QPCT: variants seen among roughly 807,000 people sequenced by gnomAD.
QPCT encodes EC.
Under a neutral mutation model 43.4 loss-of-function variants are expected in QPCT, and 44 were observed. The observed-to-expected ratio is 1.01, with a 90% CI of 0.80 to 1.30. The LOEUF is 1.30. Among genes scored for constraint, QPCT ranks in the 50% most tolerant of loss-of-function variants. The pLI is 0.00. For synonymous variants in QPCT, 168 were observed against 168.4 expected, an observed-to-expected ratio of 1.00 and a Z score of 0.02; for missense variants, 526 against 436.5, an observed-to-expected ratio of 1.21 and a Z score of -1.83.
chr2:37,365,992 A>AG (rs1362085281), intron 3 of QPCT, among the ~76,000 whole-genome samples: 3 of 152,200 alleles, frequency 2.0e-5, no homozygotes, highest in African/African-American at 7.2e-5. Context: ...CAAAGTAGGT[A>AG]GAGTATGTTT....
intron 2 of QPCT, 84 bp downstream of exon 2, chr2:37,353,019 G>A (rs45582034): frequency 6.8e-7 from 1 of 1,463,924 alleles, no homozygotes; most frequent in South Asian, 1.4e-5. Context: ...AAGTTCTGAG[G>A]TGTCTAATAT....
intron 1 of QPCT, among the ~76,000 whole-genome samples, chr2:37,348,590 T>C: frequency 6.6e-6 from 1 of 152,214 alleles, no homozygotes; most frequent in East Asian, 1.9e-4. Context: ...ATTCAGTCTT[T>C]TGGAACCTCA....
At position 37,344,761 on chromosome 2, in the gene QPCT, G is replaced by C; in HGVS notation, c.30G>C (p.Val10=). ...CAGGCGGAAGACACCGGCGCGTCGT[G>C]GGCACCCTCCACCTGCTGCTGCTGG... MAGGRHRRV[V]GTLHLLLLVA... Residue 10 remains valine, a synonymous_variant, in exon 1 of 7, where the codon GTG becomes GTC. Transcript: ENST00000338415. 6.2e-7 allele frequency: 1 copy of C among 1,607,872 alleles called. No homozygotes were observed.
intron 1 of QPCT, among the ~76,000 whole-genome samples, chr2:37,347,231 C>T (rs981878257): frequency 1.8e-4 from 10 of 55,618 alleles, no homozygotes; most frequent in East Asian, 9.1e-4. Flanking sequence ...ATATATATAA[C>T]ATATATATAT....
intron 2 of QPCT, among the ~76,000 whole-genome samples, chr2:37,358,240 C>G (rs1297109525): frequency 6.6e-6 from 1 of 151,820 alleles, no homozygotes; most frequent in Non-Finnish European, 1.5e-5. Flanking sequence ...TGGCAAAACT[C>G]CATCTCTACA....
In QPCT at chr2:37,372,885, C is replaced by A; in HGVS notation, c.*58C>A. 1 of 1,440,612 alleles carries A rather than the reference C, an allele frequency of 6.9e-7. No homozygotes were observed. Among genetic ancestry groups the A allele is most frequent in the Non-Finnish European group, 9.5e-7 (1 of 1,056,220 alleles). 89.2% of individuals were successfully genotyped at this position (1,440,612 alleles called of 1,614,324 possible). A position where few individuals can be genotyped will look rare whatever the true frequency, so the allele number is the denominator to read the frequency against. ...GAATTGAATTCAAAAGTCAAGGCAT[C>A]ATTTAAAATAATCTGATTTCAGACA... On this transcript the variant is annotated 3_prime_UTR_variant, in exon 7 of 7. Transcript: ENST00000338415.
chr2:37,359,554 A>G (rs923571525), intron 2 of QPCT, 26 bp from the exon 3 acceptor site: 4 of 1,579,972 alleles, frequency 2.5e-6, no homozygotes, highest in African/African-American at 2.7e-5. Flanking sequence ...TTAGATCTAA[A>G]TTTTTTGTTT....
At chr2:37,347,954 A>G (rs12472984) in intron 1 of QPCT, among the ~76,000 whole-genome samples, 9,301 of 152,290 alleles carry the variant, frequency 0.061, 833 homozygotes, top group East Asian at 0.34. Flanking sequence ...ATACAGAAAA[A>G]TACACTAAAA....
chr2:37,359,104 G>T (rs114251190), intron 2 of QPCT, among the ~76,000 whole-genome samples: 3,636 of 152,212 alleles, frequency 0.024, 66 homozygotes, highest in Middle Eastern at 0.048. Flanking sequence ...TACTATTACC[G>T]AACTGCATCT....
At chr2:37,370,893 AT>A (rs1673059120) in intron 5 of QPCT, among the ~76,000 whole-genome samples, 1 of 152,210 alleles carries the variant, frequency 6.6e-6, no homozygotes. Flanking sequence ...TTATTGTAGA[AT>A]CCAGGCCAGG....
chr2:37,372,143 A>G (rs1673089115), intron 5 of QPCT, among the ~76,000 whole-genome samples: 1 of 152,000 alleles, frequency 6.6e-6, no homozygotes, highest in Non-Finnish European at 1.5e-5. Context: ...TTAGAGCCAC[A>G]TTTGACTCTT....
chr2:37,357,060 A>G (rs978393907), intron 2 of QPCT, among the ~76,000 whole-genome samples: 6 of 152,072 alleles, frequency 3.9e-5, no homozygotes, highest in African/African-American at 1.4e-4. Context: ...ATATATGCTG[A>G]TTCTCTTATG....
At chr2:37,364,991 C>T (rs893749631) in intron 3 of QPCT, among the ~76,000 whole-genome samples, 20 of 143,076 alleles carry the variant, frequency 1.4e-4, no homozygotes, top group Non-Finnish European at 2.4e-4. Flanking sequence ...ACTAAGGCTC[C>T]GCCTCTACAA....
At chr2:37,353,467 G>A (rs1295533961) in intron 2 of QPCT, among the ~76,000 whole-genome samples, 1 of 152,068 alleles carries the variant, frequency 6.6e-6, no homozygotes, top group African/African-American at 2.4e-5. Context: ...ACACACAAAC[G>A]TACTGGCATA....
intron 3 of QPCT, among the ~76,000 whole-genome samples, chr2:37,366,431 C>A (rs1672962708): frequency 6.6e-6 from 1 of 152,168 alleles, no homozygotes; most frequent in African/African-American, 2.4e-5. Flanking sequence ...TGTTTTATCT[C>A]TCCCCAACCC....
chr2:37,353,270 C>G (rs967649490), intron 2 of QPCT, among the ~76,000 whole-genome samples: 4 of 152,100 alleles, frequency 2.6e-5, no homozygotes, highest in African/African-American at 7.2e-5. Context: ...TTAGGGAGTC[C>G]TTGCTTGAAG....
intron 5 of QPCT, among the ~76,000 whole-genome samples, chr2:37,370,882 T>C (rs572161479): frequency 6.6e-6 from 1 of 152,334 alleles, no homozygotes; most frequent in East Asian, 1.9e-4. Flanking sequence ...GAGATTGATC[T>C]TTATTGTAGA....
At chr2:37,363,178 A>G (rs1033102375) in intron 3 of QPCT, among the ~76,000 whole-genome samples, 1 of 152,238 alleles carries the variant, frequency 6.6e-6, no homozygotes, top group Non-Finnish European at 1.5e-5. Flanking sequence ...AGATGGTGAC[A>G]TTCAGTAATC....
chr2:37,347,298 A>T (rs1018329844), intron 1 of QPCT, among the ~76,000 whole-genome samples: 5 of 143,524 alleles, frequency 3.5e-5, no homozygotes, highest in African/African-American at 5.3e-5. Context: ...AAGCCCCATG[A>T]GGAAGGTACA....
Sources: gnomAD v4.1 joint callset for allele counts (sites outside exome capture counted in the v4.1 genomes callset) on GRCh38, gnomAD v4.1.1 for gene constraint, MANE v1.5 for transcripts, NCBI Gene and HGNC (gene_info 2026-07-23, HGNC 2026-07-21) for gene names.